CDH13: variants seen among roughly 807,000 people sequenced by gnomAD.
CDH13 encodes the protein cadherin 13.
In CDH13, 24 loss-of-function variants were observed where a neutral mutation model predicts 63.8. The ratio of observed to expected loss-of-function variants is 0.38; its 90% CI spans 0.27 to 0.53. The LOEUF (loss-of-function observed/expected upper bound fraction) is 0.53, where lower values mean the gene tolerates loss of function less well. CDH13 is among the 20% of genes least tolerant of loss of function. The pLI, the probability that CDH13 is intolerant of heterozygous loss-of-function variation, is 0.85. For missense variants in CDH13, 1,049 were observed against 903.1 expected, an observed-to-expected ratio of 1.16 and a Z score of -2.07; for synonymous variants, 503 against 355.3, an observed-to-expected ratio of 1.42 and a Z score of -4.67.
chr16:82,767,288 C>G (rs994086893), intron 1 of CDH13, among the ~76,000 whole-genome samples: 2 of 152,196 alleles, frequency 1.3e-5, no homozygotes, highest in Admixed American at 1.3e-4. Context: ...AAGCCTCTTC[C>G]GAGTCAATTC....
At position 82,878,867 on chromosome 16, in the gene CDH13, G is replaced by A. The variant is rs141473242; in HGVS notation, c.157+20394G>A. ...AGGCATTGAAAGATAGATCAGGACT[G>A]ATTTTACTGAGCATTTTCAAAGGCA... On this transcript the variant is annotated intron_variant, in intron 2 of 13. Coordinates refer to ENST00000567109, the MANE Select transcript of CDH13 (RefSeq NM_001257.5). Among the ~76,000 whole-genome samples the A allele has an allele frequency of 1.4e-4, 22 of 152,244 alleles. No individual in the cohort carries two copies. In the East Asian group the frequency reaches 2.7e-3, roughly 19 times the overall value.
intron 4 of CDH13, among the ~76,000 whole-genome samples, chr16:83,161,992 A>C (rs534483085): frequency 3.3e-5 from 5 of 152,314 alleles, no homozygotes; most frequent in African/African-American, 1.2e-4. Flanking sequence ...TTCTCTCACT[A>C]CTTTCCTGGT....
At chr16:83,592,972 G>A (rs1415601936) in intron 7 of CDH13, among the ~76,000 whole-genome samples, 1 of 152,190 alleles carries the variant, frequency 6.6e-6, no homozygotes, top group Non-Finnish European at 1.5e-5. Context: ...GGATGTGTAA[G>A]CGGTTCCTGC....
At chr16:83,293,474 G>A (rs2089512924) in intron 5 of CDH13, among the ~76,000 whole-genome samples, 1 of 152,110 alleles carries the variant, frequency 6.6e-6, no homozygotes, top group African/African-American at 2.4e-5. Flanking sequence ...TCTTTACAAA[G>A]CCACCTTCAT....
intron 3 of CDH13, among the ~76,000 whole-genome samples, chr16:83,097,666 T>A (rs1457193552): frequency 6.6e-6 from 1 of 152,176 alleles, no homozygotes; most frequent in African/African-American, 2.4e-5. Context: ...AGAGTTTATG[T>A]GGGAAGTGCA....
At chr16:83,078,600 C>T (rs574194848) in intron 3 of CDH13, among the ~76,000 whole-genome samples, 110 of 152,280 alleles carry the variant, frequency 7.2e-4, no homozygotes, top group African/African-American at 2.2e-3. Flanking sequence ...AGACCAGTAC[C>T]GGTCCATGGC....
chr16:83,033,457 G>A (rs112724851), intron 3 of CDH13, among the ~76,000 whole-genome samples: 112 of 152,176 alleles, frequency 7.4e-4, no homozygotes, highest in African/African-American at 2.6e-3. Context: ...GTATATATAT[G>A]TGTGTATATG....
chr16:83,458,834 A>C (rs377046169), intron 6 of CDH13, among the ~76,000 whole-genome samples: 203 of 152,288 alleles, frequency 1.3e-3, no homozygotes, highest in African/African-American at 4.7e-3. Flanking sequence ...CTCTGACTCA[A>C]CCCAAGTCTG....
At chr16:83,412,606 C>A (rs560644005) in intron 6 of CDH13, among the ~76,000 whole-genome samples, 1 of 152,276 alleles carries the variant, frequency 6.6e-6, no homozygotes, top group African/African-American at 2.4e-5. Flanking sequence ...TTTGTGGTCC[C>A]CGAAGAAAGA....
At chr16:82,691,503 C>T (rs1291601871) in intron 1 of CDH13, among the ~76,000 whole-genome samples, 1 of 152,186 alleles carries the variant, frequency 6.6e-6, no homozygotes, top group Non-Finnish European at 1.5e-5. Context: ...CAGTACCTTA[C>T]TCATTAATGC....
chr16:83,037,692 C>T (rs1916987209), intron 3 of CDH13, among the ~76,000 whole-genome samples: 1 of 152,108 alleles, frequency 6.6e-6, no homozygotes, highest in Admixed American at 6.6e-5. Context: ...GTGGGACTGG[C>T]TGCTAGAGTA....
At chr16:83,478,237 A>T (rs1418248699) in intron 6 of CDH13, among the ~76,000 whole-genome samples, 1 of 152,010 alleles carries the variant, frequency 6.6e-6, no homozygotes, top group Non-Finnish European at 1.5e-5. Flanking sequence ...TTGAGCTAAA[A>T]GGCAGCTGCC....
intron 5 of CDH13, among the ~76,000 whole-genome samples, chr16:83,332,312 T>G (rs2090497683): frequency 6.6e-6 from 1 of 152,152 alleles, no homozygotes; most frequent in Non-Finnish European, 1.5e-5. Context: ...TACTTAAATA[T>G]TCAATGACTT....
At chr16:83,185,435 A>G (rs2038489173) in intron 4 of CDH13, among the ~76,000 whole-genome samples, 1 of 152,124 alleles carries the variant, frequency 6.6e-6, no homozygotes. Flanking sequence ...ACAGATCTTT[A>G]AAAAAAATTG....
At chr16:83,783,538 C>T in intron 13 of CDH13, 66 bp downstream of exon 13, 1 of 1,207,680 alleles carries the variant, frequency 8.3e-7, no homozygotes, top group East Asian at 2.3e-5. Flanking sequence ...TTCGTGAAGC[C>T]AGCATTTTCC....
At chr16:83,698,688 A>T (rs766765210) in intron 10 of CDH13, among the ~76,000 whole-genome samples, 4 of 152,220 alleles carry the variant, frequency 2.6e-5, no homozygotes, top group Non-Finnish European at 4.4e-5. Flanking sequence ...TTTGCTAACA[A>T]GCCGGGTCAG....
chr16:83,066,615 T>C (rs2151533825), intron 3 of CDH13, among the ~76,000 whole-genome samples: 1 of 152,324 alleles, frequency 6.6e-6, no homozygotes, highest in East Asian at 1.9e-4. Context: ...ATGGTCAGCA[T>C]TTTCTGTCTC....
At chr16:83,117,349 G>C (rs80015364) in intron 3 of CDH13, among the ~76,000 whole-genome samples, 7,227 of 152,106 alleles carry the variant, frequency 0.048, 525 homozygotes, top group African/African-American at 0.16. Flanking sequence ...TTCTGCTGCT[G>C]GCAGTGCCTC....
At chr16:82,815,429 T>C (rs1025819275) in intron 1 of CDH13, among the ~76,000 whole-genome samples, 1 of 152,148 alleles carries the variant, frequency 6.6e-6, no homozygotes, top group Non-Finnish European at 1.5e-5. Flanking sequence ...GTTGCGATTC[T>C]GAGGTGGTTG....
Sources: allele counts gnomAD v4.1 joint callset (sites outside exome capture counted in the v4.1 genomes callset), GRCh38; gene constraint gnomAD v4.1.1; transcripts MANE v1.5; gene names NCBI Gene and HGNC (gene_info 2026-07-23, HGNC 2026-07-21).